Variants in LRRK2 observed in about 807,000 individuals in gnomAD.
The protein encoded by LRRK2 is leucine-rich repeat serine/threonine-protein kinase 2.
LRRK2 carries 203 observed loss-of-function variants against 302.6 expected under a neutral mutation model. The ratio of observed to expected loss-of-function variants is 0.67; its 90% CI spans 0.60 to 0.75. The LOEUF is 0.75. Among genes scored for constraint, LRRK2 ranks in the 30% least tolerant of loss-of-function variants. The pLI is 0.00. For synonymous variants in LRRK2, 1,066 were observed against 1,031.9 expected (o/e 1.03, Z -0.63); for missense variants, 2,830 against 2,951.0 (o/e 0.96, Z 0.95).
intron 18 of LRRK2, among the ~76,000 whole-genome samples, chr12:40,279,644 C>A (rs952644320): frequency 6.6e-6 from 1 of 152,194 alleles, no homozygotes; most frequent in Admixed American, 6.5e-5. Context: ...TACAACTGTA[C>A]TACATTCCCC....
At position 40,283,991 on chromosome 12, in the gene LRRK2, C is replaced by T. The variant is rs773669037; in HGVS notation, c.2358C>T (p.Ile786=). Residue 786 remains isoleucine (I), a synonymous_variant, in exon 19 of 51, where the codon ATC becomes ATT. Transcript: ENST00000298910. ...TISIGKGDSQ[I]ISLLLRRLAL... is the part of the protein sequence containing the mutation. ...GCATTGGGAAAGGTGACAGCCAGAT[C>T]ATCAGCTTGCTCTTAAGGAGGCTGG... The T allele has an allele frequency of 1.2e-6, 2 of 1,613,902 alleles. No homozygotes were observed. The highest frequency in any genetic ancestry group is 1.1e-5 in the South Asian group (1 of 91,082).
chr12:40,291,005 T>G (rs929213385), intron 20 of LRRK2, among the ~76,000 whole-genome samples: 1 of 152,080 alleles, frequency 6.6e-6, no homozygotes, highest in Non-Finnish European at 1.5e-5. Context: ...CCTCTTTCTA[T>G]TCATTTAAAA....
At chr12:40,248,457 C>T (rs546905778) in intron 7 of LRRK2, among the ~76,000 whole-genome samples, 30 of 152,142 alleles carry the variant, frequency 2.0e-4, no homozygotes, top group Admixed American at 3.9e-4. Flanking sequence ...TCAAATTGAT[C>T]TTCAGGTAAA....
chr12:40,353,123 G>A (rs549332749), intron 44 of LRRK2, among the ~76,000 whole-genome samples: 31 of 151,774 alleles, frequency 2.0e-4, no homozygotes, highest in African/African-American at 5.6e-4. Context: ...GCTGCCCAGC[G>A]GAGACGCTCC....
intron 43 of LRRK2, among the ~76,000 whole-genome samples, chr12:40,349,182 C>T (rs1239863546): frequency 6.6e-6 from 1 of 151,912 alleles, no homozygotes; most frequent in Non-Finnish European, 1.5e-5. Context: ...CCCTTTTGTC[C>T]CATAGATCTG....
chr12:40,273,531 TG>T (rs1943322866), intron 14 of LRRK2, among the ~76,000 whole-genome samples: 1 of 152,280 alleles, frequency 6.6e-6, no homozygotes. Flanking sequence ...ATCTGTTCAC[TG>T]AGAGTACAGA....
intron 33 of LRRK2, among the ~76,000 whole-genome samples, chr12:40,317,621 A>G (rs763144566): frequency 6.6e-6 from 1 of 152,248 alleles, no homozygotes; most frequent in Non-Finnish European, 1.5e-5. Flanking sequence ...GACCTATTCA[A>G]TTAATCAGGT....
intron 14 of LRRK2, among the ~76,000 whole-genome samples, chr12:40,267,147 G>T (rs141696029): frequency 4.6e-5 from 7 of 152,078 alleles, no homozygotes; most frequent in Non-Finnish European, 1.0e-4. Flanking sequence ...AAAAAAATGT[G>T]CATGCTCCAT....
At chr12:40,282,075 C>G (rs867265033) in intron 18 of LRRK2, among the ~76,000 whole-genome samples, 5 of 39,182 alleles carry the variant, frequency 1.3e-4, no homozygotes, top group South Asian at 2.9e-3. Context: ...CTTCCCTTCC[C>G]TTCCCTTCCC....
rs1941559986 is a variant in LRRK2 at position 40,238,205 on chromosome 12, CTACTATTTA to C, written c.571+104_571+112del. ...TAATAAGAAGAAGGTTTCTAAAATCCTACTATTTATTAAGAAGTGGGAGTTGTCTGTCAA... is the reference window on the plus strand; with the variant it reads ...TAATAAGAAGAAGGTTTCTAAAATCCTTAAGAAGTGGGAGTTGTCTGTCAA... On this transcript the variant is annotated intron_variant, in intron 5 of 50. Transcript: ENST00000298910. 5 of 1,221,138 alleles carry C rather than the reference CTACTATTTA, an allele frequency of 4.1e-6. No individual in the cohort carries two copies. In the South Asian group the frequency reaches 6.8e-5, roughly 17 times the overall value. The allele number at this position is 1,221,138 out of a possible 1,614,324, so 75.6% of individuals were successfully genotyped here. A position where few individuals can be genotyped will look rare whatever the true frequency, so the allele number is the denominator to read the frequency against.
At chr12:40,245,778 A>G (rs1244753269) in intron 7 of LRRK2, among the ~76,000 whole-genome samples, 2 of 152,046 alleles carry the variant, frequency 1.3e-5, no homozygotes, top group African/African-American at 4.8e-5. Flanking sequence ...TTCATAAAGA[A>G]ATGCAAATGA....
intron 14 of LRRK2, among the ~76,000 whole-genome samples, chr12:40,265,853 C>G (rs182802267): frequency 6.6e-6 from 1 of 152,204 alleles, no homozygotes; most frequent in East Asian, 1.9e-4. Flanking sequence ...TGCCGCATAT[C>G]TACAACCATC....
chr12:40,365,315 A>G, intron 49 of LRRK2: 1 of 399,040 alleles, frequency 2.5e-6, no homozygotes, highest in East Asian at 4.4e-5. Context: ...CTTTTTACCT[A>G]AGGCAAAAAT....
intron 47 of LRRK2, 62 bp from the exon 48 acceptor site, chr12:40,363,340 A>G: frequency 1.3e-6 from 2 of 1,516,032 alleles, no homozygotes; most frequent in South Asian, 2.3e-5. Flanking sequence ...AGGTTGTATT[A>G]CACGTAGAAA....
chr12:40,321,447 G>A (rs1290419333), intron 35 of LRRK2, among the ~76,000 whole-genome samples: 3 of 151,938 alleles, frequency 2.0e-5, no homozygotes, highest in East Asian at 3.9e-4. Context: ...GATCTTGACT[G>A]TGATTACATT....
At chr12:40,283,331 A>G (rs554629183) in intron 18 of LRRK2, among the ~76,000 whole-genome samples, 2 of 152,312 alleles carry the variant, frequency 1.3e-5, no homozygotes, top group Admixed American at 1.3e-4. Flanking sequence ...CTGAGAGACA[A>G]GGTATATCTT....
intron 2 of LRRK2, among the ~76,000 whole-genome samples, chr12:40,229,156 A>C (rs144164036): frequency 1.9e-3 from 292 of 152,316 alleles, no homozygotes; most frequent in Middle Eastern, 3.4e-3. Context: ...CTCACTTAAA[A>C]GTAGTATTTT....
intron 22 of LRRK2, 125 bp downstream of exon 22, chr12:40,295,039 A>G (rs1250256833): frequency 1.6e-5 from 10 of 637,168 alleles, no homozygotes; most frequent in Non-Finnish European, 2.8e-5. Context: ...CTTCATATAT[A>G]TTTACCTAAT....
intron 27 of LRRK2, among the ~76,000 whole-genome samples, 170 bp from the exon 28 acceptor site, chr12:40,305,613 AAC>A (rs933092006): frequency 3.2e-4 from 49 of 152,130 alleles, no homozygotes; most frequent in African/African-American, 1.1e-3. Context: ...TATGTTTTTA[AAC>A]ACATACTGAC....
Sources: gnomAD v4.1 joint callset for allele counts (sites outside exome capture counted in the v4.1 genomes callset) on GRCh38, gnomAD v4.1.1 for gene constraint, MANE v1.5 for transcripts, NCBI Gene and HGNC (gene_info 2026-07-23, HGNC 2026-07-21) for gene names.